TNFSF11: variants seen among roughly 807,000 people sequenced by gnomAD.
TNFSF11 encodes TNF superfamily member 11.
In TNFSF11, 12 loss-of-function variants were observed where a neutral mutation model predicts 32.2. That is an observed-to-expected ratio of 0.37 (90% CI 0.24 to 0.60). The LOEUF (loss-of-function observed/expected upper bound fraction) is 0.60. TNFSF11 is among the 20% of genes least tolerant of loss of function. The probability of loss-of-function intolerance (pLI) is 0.66; values close to 1 mark genes in which losing one functional copy is unlikely to be tolerated. For missense variants in TNFSF11, 345 were observed against 398.0 expected, an observed-to-expected ratio of 0.87 and a Z score of 1.13; for synonymous variants, 172 against 152.1, an observed-to-expected ratio of 1.13 and a Z score of -0.96.
upstream of TNFSF11, among the ~76,000 whole-genome samples, chr13:42,573,609 A>G (rs143156291): frequency 3.0e-4 from 45 of 152,274 alleles, no homozygotes; most frequent in African/African-American, 6.7e-4. Context: ...GCCTCGCTCA[A>G]TGTCACCTTC....
At chr13:42,597,191 G>A (rs1055744718) in intron 2 of TNFSF11, among the ~76,000 whole-genome samples, 7 of 152,092 alleles carry the variant, frequency 4.6e-5, no homozygotes, top group Non-Finnish European at 7.4e-5. Context: ...ACAGTCATGC[G>A]CTCTCTTTTT....
At chr13:42,572,895 TC>T (rs1873120649), upstream of TNFSF11, among the ~76,000 whole-genome samples, 1 of 152,114 alleles carries the variant, frequency 6.6e-6, no homozygotes, top group African/African-American at 2.4e-5. Context: ...GGCACAGTAG[TC>T]CCCTGATATC....
intron 2 of TNFSF11, among the ~76,000 whole-genome samples, chr13:42,583,695 C>T (rs1873747610): frequency 6.6e-6 from 1 of 151,856 alleles, no homozygotes; most frequent in Non-Finnish European, 1.5e-5. Flanking sequence ...TAACATTTTA[C>T]ATTTAGTTTT....
At chr13:42,606,475 C>T (rs534249503) in intron 4 of TNFSF11, 22 bp from the exon 5 acceptor site, 2 of 1,614,174 alleles carry the variant, frequency 1.2e-6, no homozygotes, top group Non-Finnish European at 1.7e-6. Context: ...ACTTTCAAAT[C>T]TTATGCCTCT....
intron 2 of TNFSF11, among the ~76,000 whole-genome samples, chr13:42,591,966 G>A (rs1455426709): frequency 3.9e-5 from 6 of 152,172 alleles, no homozygotes; most frequent in Non-Finnish European, 8.8e-5. Context: ...TGGAACCTAT[G>A]GCATCCCAGA....
intron 1 of TNFSF11, among the ~76,000 whole-genome samples, chr13:42,563,809 T>C (rs771886747): frequency 4.6e-5 from 7 of 152,326 alleles, no homozygotes; most frequent in Non-Finnish European, 8.8e-5. Context: ...TGGCTAGGTG[T>C]AGATTTCTTT....
At chr13:42,573,101 T>C (rs962093279), upstream of TNFSF11, among the ~76,000 whole-genome samples, 2 of 152,094 alleles carry the variant, frequency 1.3e-5, no homozygotes. Flanking sequence ...TAGTTGTGTA[T>C]CATTTAGGAA....
At chr13:42,588,035 G>A (rs1370657411) in intron 2 of TNFSF11, among the ~76,000 whole-genome samples, 4 of 152,184 alleles carry the variant, frequency 2.6e-5, no homozygotes, top group African/African-American at 9.7e-5. Context: ...ACCCACAAGG[G>A]TACTTGGTTT....
chr13:42,605,303 C>G (rs61703852), intron 4 of TNFSF11, among the ~76,000 whole-genome samples: 2,583 of 152,320 alleles, frequency 0.017, 63 homozygotes, highest in African/African-American at 0.058. Flanking sequence ...AGACTCAACT[C>G]TGCTTTGTTT....
intron 1 of TNFSF11, among the ~76,000 whole-genome samples, chr13:42,577,246 C>T (rs1028395524): frequency 6.6e-6 from 1 of 152,122 alleles, no homozygotes; most frequent in African/African-American, 2.4e-5. Flanking sequence ...TTTTTAAATG[C>T]ATTTAAAAGA....
At position 42,574,416 on chromosome 13, in the gene TNFSF11, C is replaced by A; in HGVS notation, c.113C>A (p.Pro38Gln). The A allele has an allele frequency of 6.3e-7, 1 of 1,580,978 alleles. No homozygotes were observed. ...GPLHAPPPPA[P>Q]HQPPAASRSM... ...CTGCACGCCCCGCCGCCGCCTGCGC[C>A]GCACCAGCCCCCTGCCGCCTCCCGC... The change falls in exon 1 of 5, where the codon CCG (proline) becomes CAG (glutamine). Residue 38 changes from proline to glutamine, a missense_variant. By Grantham distance (76) the Pro-to-Gln change is moderately conservative. Around this residue, in one of 2 missense-constraint regions of TNFSF11, gnomAD observed 197 missense variants for 182.0 expected, o/e 1.08. Coordinates refer to ENST00000398795, the MANE Select transcript of TNFSF11 (RefSeq NM_003701.4).
intron 2 of TNFSF11, among the ~76,000 whole-genome samples, chr13:42,587,038 GAACT>G (rs1224891427): frequency 2.6e-5 from 4 of 152,162 alleles, no homozygotes; most frequent in Non-Finnish European, 4.4e-5. Context: ...TCCATTCAGT[GAACT>G]AACTAAGAAA....
At chr13:42,576,278 G>A (rs1236028565) in intron 1 of TNFSF11, among the ~76,000 whole-genome samples, 2 of 152,090 alleles carry the variant, frequency 1.3e-5, no homozygotes, top group African/African-American at 4.8e-5. Context: ...TGTGGAAATC[G>A]GTGGCATGGC....
In TNFSF11 at chr13:42,581,152, T is replaced by C. The variant is rs1243646700; in HGVS notation, c.246T>C (p.Asp82=). 7 of 1,614,118 alleles carry C rather than the reference T, an allele frequency of 4.3e-6. No individual in the cohort carries two copies. The highest frequency in any genetic ancestry group is 1.7e-5 in the Admixed American group (1 of 60,026). ...AQMDPNRISE[D]GTHCIYRILR... ...TGGATCCTAATAGAATATCAGAAGA[T>C]GGCACTCACTGCATTTATAGAATTT... is the stretch of plus-strand genomic sequence containing the variant. The change falls in exon 2 of 5, where the codon GAT becomes GAC. Residue 82 remains aspartate, a synonymous_variant. Coordinates refer to ENST00000398795, the MANE Select transcript of TNFSF11 (RefSeq NM_003701.4).
chr13:42,564,093 C>T (rs1299545336), intron 1 of TNFSF11, among the ~76,000 whole-genome samples: 2 of 151,586 alleles, frequency 1.3e-5, no homozygotes, highest in Non-Finnish European at 2.9e-5. Context: ...TTTTATTATC[C>T]AGTCTGTTAT....
At chr13:42,573,733 G>C (rs1232601110), upstream of TNFSF11, among the ~76,000 whole-genome samples, 1 of 152,178 alleles carries the variant, frequency 6.6e-6, no homozygotes, top group African/African-American at 2.4e-5. Flanking sequence ...GACAGGAAGG[G>C]TCTTCAGAGA....
chr13:42,597,679 A>T (rs538072973), intron 2 of TNFSF11, among the ~76,000 whole-genome samples: 2 of 152,260 alleles, frequency 1.3e-5, no homozygotes, highest in South Asian at 4.1e-4. Context: ...CTGGTGCTGA[A>T]TGCAAATTCT....
At chr13:42,566,154 T>C (rs1333942418) in intron 1 of TNFSF11, among the ~76,000 whole-genome samples, 1 of 152,226 alleles carries the variant, frequency 6.6e-6, no homozygotes, top group Non-Finnish European at 1.5e-5. Flanking sequence ...CCATAGCTTC[T>C]TGGGAGACTA....
intron 1 of TNFSF11, among the ~76,000 whole-genome samples, chr13:42,579,642 C>G (rs372818724): frequency 1.2e-4 from 18 of 149,136 alleles, no homozygotes; most frequent in African/African-American, 4.4e-4. Flanking sequence ...ACCCAGTGAC[C>G]CTTCATATCA....
Sources: gnomAD v4.1 joint callset for allele counts (sites outside exome capture counted in the v4.1 genomes callset) on GRCh38, gnomAD v4.1.1 for gene constraint, gnomAD v4.1.1 regional missense constraint, MANE v1.5 for transcripts, NCBI Gene and HGNC (gene_info 2026-07-23, HGNC 2026-07-21) for gene names.